Variants in PXDNL observed in about 807,000 individuals in gnomAD.
PXDNL encodes the protein peroxidasin like, also known as probable oxidoreductase PXDNL.
In PXDNL, 145 loss-of-function variants were observed where a neutral mutation model predicts 150.8. That is an observed-to-expected ratio of 0.96 (90% CI 0.84 to 1.10). The LOEUF is 1.10. Ranked by LOEUF, PXDNL falls within the 50% of genes least tolerant of loss-of-function variation. The probability of loss-of-function intolerance (pLI) is 0.00; values close to 1 mark genes in which losing one functional copy is unlikely to be tolerated. For synonymous variants in PXDNL, 757 were observed against 725.7 expected (o/e 1.04, Z -0.69); for missense variants, 2,087 against 1,873.9 (o/e 1.11, Z -2.10).
chr8:51,472,338 A>G, intron 7 of PXDNL, 34 bp from the exon 8 acceptor site: 2 of 1,532,176 alleles, frequency 1.3e-6, no homozygotes, highest in African/African-American at 1.4e-5. Flanking sequence ...TATTTTTCAG[A>G]GATACAAAAT....
At chr8:51,476,449 T>C (rs756546482) in intron 6 of PXDNL, among the ~76,000 whole-genome samples, 2 of 152,204 alleles carry the variant, frequency 1.3e-5, no homozygotes, top group South Asian at 4.1e-4. Context: ...AATTGCTACA[T>C]GTAGACTGTA....
rs145109652 is a variant in PXDNL at position 51,434,681 on chromosome 8, A to G, written c.1526-7923T>C. On this transcript the variant is annotated intron_variant, in intron 12 of 22. Transcript: ENST00000356297. ...TTAAAAATACTAGAATTAAGACACTATGAATTCTAGTATGCTCTACTGAAG... is the reference window on the plus strand; with the variant it reads ...TTAAAAATACTAGAATTAAGACACTGTGAATTCTAGTATGCTCTACTGAAG... Among the ~76,000 whole-genome samples the G allele has an allele frequency of 6.5e-4, 99 of 152,340 alleles. 1 individual carries two copies. The highest frequency in any genetic ancestry group is 2.4e-3 in the African/African-American group (99 of 41,582).
At chr8:51,424,339 A>G (rs1275891827) in intron 13 of PXDNL, among the ~76,000 whole-genome samples, 2 of 152,192 alleles carry the variant, frequency 1.3e-5, no homozygotes, top group Non-Finnish European at 2.9e-5. Flanking sequence ...ACTGTACTGT[A>G]GCCTGGGCAA....
At chr8:51,744,675 CAAAAAAAAA>C (rs34751949) in intron 1 of PXDNL, among the ~76,000 whole-genome samples, 5 of 38,860 alleles carry the variant, frequency 1.3e-4, no homozygotes, top group South Asian at 2.2e-3. Flanking sequence ...GACTCCATCT[CAAAAAAAAA>C]AAAAAAAAAA....
intron 2 of PXDNL, among the ~76,000 whole-genome samples, chr8:51,628,404 T>TTC (rs1252792932): frequency 2.6e-5 from 3 of 116,842 alleles, no homozygotes; most frequent in Admixed American, 8.7e-5. Context: ...CTTTTCTTTT[T>TTC]TTTTTTTTTT....
chr8:51,324,121 A>G (rs888090040), intron 21 of PXDNL, among the ~76,000 whole-genome samples: 2 of 152,094 alleles, frequency 1.3e-5, no homozygotes, highest in Admixed American at 6.5e-5. Flanking sequence ...TTCTACGTTT[A>G]TCTTGGGTTT....
intron 4 of PXDNL, among the ~76,000 whole-genome samples, chr8:51,500,310 A>G (rs1417921683): frequency 1.3e-5 from 2 of 152,176 alleles, no homozygotes; most frequent in Non-Finnish European, 2.9e-5. Flanking sequence ...TCCTTTTGGA[A>G]TTAGGAATTA....
chr8:51,674,891 C>T (rs1397620226), intron 1 of PXDNL, among the ~76,000 whole-genome samples: 4 of 152,208 alleles, frequency 2.6e-5, no homozygotes, highest in African/African-American at 4.8e-5. Flanking sequence ...TTAGTTAACA[C>T]TCTGCTACCC....
intron 8 of PXDNL, among the ~76,000 whole-genome samples, chr8:51,461,963 C>T (rs967433945): frequency 6.6e-6 from 1 of 152,176 alleles, no homozygotes; most frequent in Non-Finnish European, 1.5e-5. Context: ...GCCTGAAATA[C>T]ACCACCAAAC....
At chr8:51,490,765 T>C (rs1008722821) in intron 5 of PXDNL, among the ~76,000 whole-genome samples, 2 of 146,804 alleles carry the variant, frequency 1.4e-5, no homozygotes, top group Non-Finnish European at 3.0e-5. Flanking sequence ...TGTGTGTGTA[T>C]CACACAGGGG....
chr8:51,583,962 C>T lies in PXDNL; in HGVS notation c.308+8665G>A, dbSNP rs557574093. On this transcript the variant is annotated intron_variant, in intron 3 of 22. Transcript: ENST00000356297. Reference sequence around the variant, plus strand: ...GGCTGGATGAGTCGCCCAAAGAGGACCTTCCAGAGGTTCCTCAACTTGGCC... The same window carrying T: ...GGCTGGATGAGTCGCCCAAAGAGGATCTTCCAGAGGTTCCTCAACTTGGCC... Among the ~76,000 whole-genome samples the T allele has an allele frequency of 2.0e-5, 3 of 152,172 alleles. No individual in the cohort carries two copies. The South Asian group carries it at 6.2e-4, about 32-fold the overall frequency.
At chr8:51,442,816 CT>C (rs1217410913) in intron 12 of PXDNL, among the ~76,000 whole-genome samples, 2 of 151,774 alleles carry the variant, frequency 1.3e-5, no homozygotes, top group East Asian at 1.9e-4. Flanking sequence ...AAGGGCTTTG[CT>C]TTTTTTATTT....
At chr8:51,551,840 TA>T (rs1470536320) in intron 4 of PXDNL, among the ~76,000 whole-genome samples, 1 of 152,086 alleles carries the variant, frequency 6.6e-6, no homozygotes, top group Non-Finnish European at 1.5e-5. Flanking sequence ...TTAATTAAAC[TA>T]AAAAGCCTCT....
chr8:51,596,194 T>A (rs544953999), intron 2 of PXDNL, among the ~76,000 whole-genome samples: 1 of 152,168 alleles, frequency 6.6e-6, no homozygotes, highest in Non-Finnish European at 1.5e-5. Flanking sequence ...GATAATGACT[T>A]CCAGATGCAT....
At chr8:51,587,683 C>A (rs1487898369) in intron 3 of PXDNL, among the ~76,000 whole-genome samples, 1 of 152,112 alleles carries the variant, frequency 6.6e-6, no homozygotes, top group African/African-American at 2.4e-5. Context: ...TTGATAAATA[C>A]ACATGTTGTT....
chr8:51,656,099 G>A (rs1217158822), intron 1 of PXDNL, among the ~76,000 whole-genome samples: 1 of 152,280 alleles, frequency 6.6e-6, no homozygotes, highest in African/African-American at 2.4e-5. Flanking sequence ...TAGGGCGCTA[G>A]AATGGCAGTA....
At chr8:51,800,175 C>G (rs990465977) in intron 1 of PXDNL, among the ~76,000 whole-genome samples, 7 of 152,080 alleles carry the variant, frequency 4.6e-5, no homozygotes, top group Non-Finnish European at 8.8e-5. Flanking sequence ...GTCAAACTTT[C>G]AAATGGGCAA....
intron 2 of PXDNL, among the ~76,000 whole-genome samples, chr8:51,643,523 A>C (rs1814825634): frequency 6.6e-6 from 1 of 152,188 alleles, no homozygotes; most frequent in Non-Finnish European, 1.5e-5. Flanking sequence ...CCTTCCTTAC[A>C]CCTTATACAA....
At chr8:51,654,106 C>T (rs561846018) in intron 2 of PXDNL, among the ~76,000 whole-genome samples, 4 of 152,306 alleles carry the variant, frequency 2.6e-5, no homozygotes, top group Admixed American at 1.3e-4. Context: ...CAAAACCAGC[C>T]AACTGGTAGC....
Sources: gnomAD v4.1 joint callset for allele counts (sites outside exome capture counted in the v4.1 genomes callset) on GRCh38, gnomAD v4.1.1 for gene constraint, MANE v1.5 for transcripts, NCBI Gene and HGNC (gene_info 2026-07-23, HGNC 2026-07-21) for gene names.